The following TENM3 variants were observed in gnomAD, a reference collection of about 807,000 sequenced individuals.
TENM3 encodes the protein teneurin transmembrane protein 3, also known as teneurin-3.
A neutral mutation model predicts 255.1 loss-of-function variants in TENM3; 63 were observed. The ratio of observed to expected loss-of-function variants is 0.25; its 90% CI spans 0.20 to 0.30. The LOEUF is 0.30. Ranked by LOEUF, TENM3 falls within the 10% of genes least tolerant of loss-of-function variation. TENM3 has a pLI of 1.00. For missense variants in TENM3, 2,929 were observed against 3,461.1 expected, an observed-to-expected ratio of 0.85 and a Z score of 3.86; for synonymous variants, 1,306 against 1,322.3, an observed-to-expected ratio of 0.99 and a Z score of 0.27.
Position 182,248,790 on chromosome 4 carries a change from C to A in TENM3, c.-76+5314C>A, listed in dbSNP as rs556657988. Among the ~76,000 whole-genome samples, 28 of 152,280 alleles carry A rather than the reference C, an allele frequency of 1.8e-4. No homozygotes were observed. In the South Asian group the frequency reaches 5.6e-3, roughly 30 times the overall value. On this transcript the variant is annotated intron_variant, in intron 1 of 27. Coordinates refer to ENST00000511685, the MANE Select transcript of TENM3 (RefSeq NM_001080477.4). ...AAACCTGACAAAAACCCTGCTGTTA[C>A]CGAGTTCCTCATAACTACCAAAGGG... is the stretch of plus-strand genomic sequence containing the variant.
chr4:182,008,448 C>G, the TENM3 span, among the ~76,000 whole-genome samples: 1 of 151,886 alleles, frequency 6.6e-6, no homozygotes, highest in East Asian at 2.0e-4. Context: ...TTTCTTTTTT[C>G]TCTATTCTTG....
chr4:182,406,755 T>C (rs1769610497), intron 3 of TENM3, among the ~76,000 whole-genome samples: 1 of 152,258 alleles, frequency 6.6e-6, no homozygotes, highest in Admixed American at 6.5e-5. Context: ...ATAAAGTTTA[T>C]AATCAGCTAC....
chr4:181,479,565 C>T, the TENM3 span, among the ~76,000 whole-genome samples: 2,000 of 152,120 alleles, frequency 0.013, 49 homozygotes, highest in African/African-American at 0.045. Flanking sequence ...GTACTTTATT[C>T]TACTGTCATA....
At chr4:181,458,082 G>A in the TENM3 span, among the ~76,000 whole-genome samples, 1 of 151,970 alleles carries the variant, frequency 6.6e-6, no homozygotes, top group African/African-American at 2.4e-5. Flanking sequence ...AATTCCTATT[G>A]TACCGCAAAC....
chr4:182,575,569 A>G (rs1744835294), intron 3 of TENM3, among the ~76,000 whole-genome samples: 2 of 151,930 alleles, frequency 1.3e-5, no homozygotes, highest in Non-Finnish European at 2.9e-5. Flanking sequence ...TTGAAGGAAA[A>G]AATGTGGTAA....
chr4:181,769,446 G>A, the TENM3 span, among the ~76,000 whole-genome samples: 1 of 152,340 alleles, frequency 6.6e-6, no homozygotes, highest in African/African-American at 2.4e-5. Flanking sequence ...CATCTACCAA[G>A]TGGATATAAT....
the TENM3 span, among the ~76,000 whole-genome samples, chr4:181,559,514 T>G: frequency 6.6e-6 from 1 of 152,222 alleles, no homozygotes; most frequent in African/African-American, 2.4e-5. Flanking sequence ...GTATTAAAGC[T>G]CTTCCAGTCT....
chr4:181,676,800 G>A, the TENM3 span, among the ~76,000 whole-genome samples: 1 of 152,000 alleles, frequency 6.6e-6, no homozygotes, highest in African/African-American at 2.4e-5. Context: ...TTTTATGTGA[G>A]CCCAAAATGA....
the TENM3 span, among the ~76,000 whole-genome samples, chr4:182,042,170 A>G: frequency 1.3e-5 from 2 of 152,112 alleles, no homozygotes; most frequent in African/African-American, 4.8e-5. Flanking sequence ...GGAAGTCTTA[A>G]TCCTTTCTGA....
the TENM3 span, among the ~76,000 whole-genome samples, chr4:181,467,119 A>ATTTTTTTTT: frequency 1.8e-5 from 1 of 56,328 alleles, no homozygotes; most frequent in Admixed American, 1.7e-4. Context: ...ATATATATAT[A>ATTTTTTTTT]TATATATTTT....
At chr4:182,785,978 G>A (rs533763752) in intron 24 of TENM3, among the ~76,000 whole-genome samples, 11 of 152,234 alleles carry the variant, frequency 7.2e-5, no homozygotes, top group Non-Finnish European at 1.0e-4. Flanking sequence ...AACAGAGAGC[G>A]GTGTCTGGAA....
At chr4:182,516,930 A>G (rs1738024166) in intron 3 of TENM3, among the ~76,000 whole-genome samples, 1 of 152,126 alleles carries the variant, frequency 6.6e-6, no homozygotes, top group African/African-American at 2.4e-5. Flanking sequence ...TATCACATGA[A>G]AAAAACCAGA....
At chr4:182,074,105 A>C in the TENM3 span, among the ~76,000 whole-genome samples, 1 of 152,216 alleles carries the variant, frequency 6.6e-6, no homozygotes, top group Non-Finnish European at 1.5e-5. Context: ...GCTCTGTTAT[A>C]GGCTGCTTTT....
chr4:181,774,941 C>A, the TENM3 span, among the ~76,000 whole-genome samples: 6 of 148,494 alleles, frequency 4.0e-5, 1 homozygote, highest in Non-Finnish European at 5.9e-5. Context: ...GAGTAGGTTG[C>A]GAAAATTTTC....
intron 13 of TENM3, among the ~76,000 whole-genome samples, chr4:182,726,944 T>TA (rs1561165174): frequency 9.9e-5 from 15 of 152,124 alleles, no homozygotes; most frequent in Non-Finnish European, 1.8e-4. Context: ...TAGTATTTTT[T>TA]TAAAAAAAGA....
the TENM3 span, among the ~76,000 whole-genome samples, chr4:181,633,580 GT>G: frequency 0.065 from 9,955 of 152,206 alleles, 441 homozygotes; most frequent in East Asian, 0.14. Context: ...AATTGTTATA[GT>G]CCAGAACTAA....
chr4:182,632,336 T>A (rs1341491546), intron 5 of TENM3, among the ~76,000 whole-genome samples: 2 of 152,222 alleles, frequency 1.3e-5, no homozygotes. Flanking sequence ...GGATGTTTGC[T>A]GTACCACAGA....
At chr4:182,207,208 G>A (rs183860404) in intron 1 of TENM3, among the ~76,000 whole-genome samples, 69 of 152,270 alleles carry the variant, frequency 4.5e-4, no homozygotes, top group South Asian at 2.1e-4. Context: ...AGGTTGCTGC[G>A]TGGAATCTGA....
intron 6 of TENM3, among the ~76,000 whole-genome samples, chr4:182,671,412 A>G (rs778985175): frequency 3.3e-5 from 5 of 152,188 alleles, no homozygotes; most frequent in African/African-American, 4.8e-5. Flanking sequence ...AGCGATGTTT[A>G]TCCCAGCTCA....
Sources: gnomAD v4.1 joint callset for allele counts (sites outside exome capture counted in the v4.1 genomes callset) on GRCh38, gnomAD v4.1.1 for gene constraint, MANE v1.5 for transcripts, NCBI Gene and HGNC (gene_info 2026-07-23, HGNC 2026-07-21) for gene names.